The following WWOX variants were observed in gnomAD, a reference collection of about 807,000 sequenced individuals.
WWOX encodes the protein WW domain containing oxidoreductase.
WWOX carries 69 observed loss-of-function variants against 46.2 expected under a neutral mutation model. The observed-to-expected ratio is 1.49, with a 90% CI of 1.23 to 1.82. WWOX has a LOEUF of 1.82. WWOX is among the 40% of genes most tolerant of loss of function. The pLI is 0.00. For synonymous variants in WWOX, 359 were observed against 202.6 expected, an observed-to-expected ratio of 1.77 and a Z score of -6.56; for missense variants, 919 against 542.6, an observed-to-expected ratio of 1.69 and a Z score of -6.89.
intron 8 of WWOX, among the ~76,000 whole-genome samples, chr16:78,968,134 C>T (rs80243226): frequency 5.7e-4 from 4 of 7,056 alleles, no homozygotes; most frequent in East Asian, 1.7e-3. Flanking sequence ...GCGCGTGGTC[C>T]GTGTGGCACA....
chr16:78,826,550 C>T (rs181945300), intron 8 of WWOX, among the ~76,000 whole-genome samples: 17 of 152,340 alleles, frequency 1.1e-4, no homozygotes, highest in African/African-American at 4.1e-4. Context: ...CTCCTCTTCT[C>T]CTGTGTTCCT....
chr16:78,825,991 A>G (rs2051643798), intron 8 of WWOX: 1 of 714,078 alleles, frequency 1.4e-6, no homozygotes, highest in South Asian at 2.6e-5. Context: ...TGCCCCAGCC[A>G]GTCCCCATAG....
At chr16:78,736,318 G>A (rs1023880594) in intron 8 of WWOX, among the ~76,000 whole-genome samples, 7 of 152,252 alleles carry the variant, frequency 4.6e-5, no homozygotes, top group African/African-American at 1.4e-4. Flanking sequence ...GTTGCCAGGT[G>A]TCTTGGGCAA....
chr16:78,822,638 G>T (rs72801074), intron 8 of WWOX, among the ~76,000 whole-genome samples: 8,325 of 152,244 alleles, frequency 0.055, 214 homozygotes, highest in South Asian at 0.081. Flanking sequence ...TGTTCCTAAT[G>T]GGTGGAATAT....
intron 8 of WWOX, among the ~76,000 whole-genome samples, chr16:78,443,326 A>C (rs112178205): frequency 0.028 from 4,226 of 152,012 alleles, 92 homozygotes; most frequent in Non-Finnish European, 0.046. Context: ...AAAAAACCCA[A>C]AACTATATGT....
At chr16:78,206,125 A>T (rs1227881485) in intron 5 of WWOX, among the ~76,000 whole-genome samples, 1 of 151,988 alleles carries the variant, frequency 6.6e-6, no homozygotes, top group Non-Finnish European at 1.5e-5. Context: ...TAGGCTAAGG[A>T]GTTTGAAATT....
chr16:78,308,900 G>A (rs1011435678), intron 5 of WWOX, among the ~76,000 whole-genome samples: 4 of 151,904 alleles, frequency 2.6e-5, no homozygotes, highest in Non-Finnish European at 2.9e-5. Flanking sequence ...TGGCCGCATC[G>A]CCACCCAAAA....
At chr16:78,370,745 T>C (rs12597746) in intron 5 of WWOX, among the ~76,000 whole-genome samples, 7,930 of 147,454 alleles carry the variant, frequency 0.054, 276 homozygotes, top group East Asian at 0.13. Context: ...AGTTTTAGTT[T>C]CTCTATAAAC....
At chr16:78,421,076 A>G (rs1036576458) in intron 6 of WWOX, among the ~76,000 whole-genome samples, 2 of 152,118 alleles carry the variant, frequency 1.3e-5, no homozygotes, top group Non-Finnish European at 2.9e-5. Context: ...ACATGTCATT[A>G]TGGATTCTTG....
chr16:78,935,675 C>T (rs1003635893), intron 8 of WWOX, among the ~76,000 whole-genome samples: 1 of 151,910 alleles, frequency 6.6e-6, no homozygotes, highest in African/African-American at 2.4e-5. Flanking sequence ...TTAATGGGTG[C>T]AGCACACCGA....
chr16:78,513,740 CATA>C (rs2085419136), intron 8 of WWOX, among the ~76,000 whole-genome samples: 1 of 152,202 alleles, frequency 6.6e-6, no homozygotes, highest in Non-Finnish European at 1.5e-5. Flanking sequence ...GTAAATGTCT[CATA>C]TACCCCTCTA....
intron 8 of WWOX, among the ~76,000 whole-genome samples, chr16:78,536,223 GC>G (rs1206509971): frequency 6.6e-6 from 1 of 151,972 alleles, no homozygotes; most frequent in Non-Finnish European, 1.5e-5. Flanking sequence ...CCTCCCTTTT[GC>G]CCCCACCAAA....
At chr16:78,813,294 C>T (rs1244400189) in intron 8 of WWOX, among the ~76,000 whole-genome samples, 25 of 150,634 alleles carry the variant, frequency 1.7e-4, no homozygotes, top group Non-Finnish European at 3.4e-4. Context: ...CCTTTTTTTC[C>T]CTCCTAAGCT....
chr16:79,165,030 A>G (rs539144864), intron 8 of WWOX, among the ~76,000 whole-genome samples: 12 of 152,054 alleles, frequency 7.9e-5, no homozygotes, highest in South Asian at 6.2e-4. Context: ...TTTAACCTCT[A>G]TTTGAGGGTC....
chr16:78,283,362 C>A (rs950836463), intron 5 of WWOX, among the ~76,000 whole-genome samples: 1 of 152,188 alleles, frequency 6.6e-6, no homozygotes, highest in African/African-American at 2.4e-5. Context: ...GACATCAAAC[C>A]TTTCATCCCG....
rs369378920 is a variant in WWOX, at chr16:78,663,791, A to G, written c.1056+231039A>G. On this transcript the variant is annotated intron_variant, in intron 8 of 8. Transcript: ENST00000566780. The stretch of plus-strand genomic sequence containing the variant: ...AACTACACCCTGAATGAAGAGAGCC[A>G]TGCAAAGACCTCAGCAAAGAAAATC... Among the ~76,000 whole-genome samples the G allele has an allele frequency of 5.3e-5, 8 of 152,338 alleles. No homozygotes were observed. The South Asian group carries it at 1.4e-3, about 28-fold the overall frequency.
chr16:78,831,134 G>A (rs1567590517), intron 8 of WWOX, among the ~76,000 whole-genome samples: 1 of 152,268 alleles, frequency 6.6e-6, no homozygotes, highest in African/African-American at 2.4e-5. Flanking sequence ...TGGTGGAGGG[G>A]CTTGCAGAGC....
chr16:78,967,135 GT>G (rs976593740), intron 8 of WWOX, among the ~76,000 whole-genome samples: 5 of 151,926 alleles, frequency 3.3e-5, no homozygotes, highest in African/African-American at 1.2e-4. Context: ...GTTTCAGCCT[GT>G]TTTCCCAAGT....
intron 8 of WWOX, among the ~76,000 whole-genome samples, chr16:78,482,164 C>CA (rs2084509825): frequency 6.6e-6 from 1 of 152,166 alleles, no homozygotes; most frequent in African/African-American, 2.4e-5. Flanking sequence ...CACAGTTCCA[C>CA]AGCCCTCATT....
Sources: gnomAD v4.1 joint callset for allele counts (sites outside exome capture counted in the v4.1 genomes callset) on GRCh38, gnomAD v4.1.1 for gene constraint, MANE v1.5 for transcripts, NCBI Gene and HGNC (gene_info 2026-07-23, HGNC 2026-07-21) for gene names.